WFDC11: variants seen among roughly 807,000 people sequenced by gnomAD.
WFDC11 encodes the protein protein WFDC11.
Under a neutral mutation model 9.9 loss-of-function variants are expected in WFDC11, and 9 were observed. That is an observed-to-expected ratio of 0.91 (90% confidence interval 0.55 to 1.58). The LOEUF (loss-of-function observed/expected upper bound fraction) is 1.58. Among genes scored for constraint, WFDC11 ranks in the 40% most tolerant of loss-of-function variants. The pLI is 0.00. For missense variants in WFDC11, 106 were observed against 101.7 expected (o/e 1.04, Z -0.18); for synonymous variants, 32 against 33.3 (o/e 0.96, Z 0.13).
chr20:45,664,206 G>A (rs1386837199), intron 2 of WFDC11, among the ~76,000 whole-genome samples: 1 of 151,948 alleles, frequency 6.6e-6, no homozygotes. Context: ...ATCTTTGTTG[G>A]TTTAAAGTCT....
intron 2 of WFDC11, among the ~76,000 whole-genome samples, chr20:45,662,346 C>A (rs6032414): frequency 0.047 from 7,185 of 152,242 alleles, 345 homozygotes; most frequent in East Asian, 0.22. Flanking sequence ...TCTAGATATG[C>A]AATCATGTCA....
intron 3 of WFDC11, among the ~76,000 whole-genome samples, chr20:45,649,991 C>A (rs1268950410): frequency 1.3e-5 from 2 of 152,114 alleles, no homozygotes; most frequent in Non-Finnish European, 2.9e-5. Context: ...GAAGGGATCT[C>A]AAGCCTCTTT....
At chr20:45,668,779 T>C (rs1428212702) in intron 1 of WFDC11, among the ~76,000 whole-genome samples, 1 of 152,180 alleles carries the variant, frequency 6.6e-6, no homozygotes, top group Non-Finnish European at 1.5e-5. Flanking sequence ...TTTCATAGAT[T>C]GGTAGATTAC....
At chr20:45,654,988 A>G (rs1982892675) in intron 2 of WFDC11, among the ~76,000 whole-genome samples, 1 of 152,206 alleles carries the variant, frequency 6.6e-6, no homozygotes, top group South Asian at 2.1e-4. Flanking sequence ...TTCACAGCCA[A>G]ATTCTACCAG....
intron 4 of WFDC11, 78 bp from the exon 5 acceptor site, chr20:45,648,817 A>G (rs1600934323): frequency 6.3e-6 from 9 of 1,426,122 alleles, no homozygotes; most frequent in African/African-American, 1.4e-5. Flanking sequence ...GCTTAATAGT[A>G]TCCATGTTCA....
At chr20:45,668,813 T>TGA (rs1461974375) in intron 1 of WFDC11, among the ~76,000 whole-genome samples, 1 of 152,170 alleles carries the variant, frequency 6.6e-6, no homozygotes, top group African/African-American at 2.4e-5. Flanking sequence ...CACCAGTTGT[T>TGA]GACAAGCTTG....
At chr20:45,650,349 G>C (rs1982778738) in intron 3 of WFDC11, 152 bp downstream of exon 3, 2 of 620,780 alleles carry the variant, frequency 3.2e-6, no homozygotes, top group Non-Finnish European at 5.7e-6. Context: ...GGGATTTCTT[G>C]AATCTCTGTG....
At chr20:45,651,431 G>A (rs1393381514) in intron 2 of WFDC11, among the ~76,000 whole-genome samples, 1 of 152,072 alleles carries the variant, frequency 6.6e-6, no homozygotes, top group African/African-American at 2.4e-5. Context: ...ATTCCATTCT[G>A]TGAATATGTC....
chr20:45,649,282 C>G lies in WFDC11; in HGVS notation c.218G>C (p.Cys73Ser), dbSNP rs769530217. ...GACGTTTATCCAGCAGATGTTTCCA[C>G]AATAGGTCCAGCAGCATGTGTAATT... ...DKNYTCCWTYCGNICWINVET... is the reference protein window; with the variant it reads ...DKNYTCCWTYSGNICWINVET... The change falls in exon 4 of 5, where the codon TGT becomes TCT. Residue 73 changes from cysteine (C) to serine (S), a missense_variant. Transcript: ENST00000324384. 1.4e-5 allele frequency: 22 copies of G among 1,613,954 alleles called. No homozygotes were observed. The highest frequency in any genetic ancestry group is 3.3e-4 in the Middle Eastern group (2 of 6,084).
intron 2 of WFDC11, among the ~76,000 whole-genome samples, chr20:45,651,386 TTTTG>T (rs757777483): frequency 1.4e-4 from 22 of 152,148 alleles, no homozygotes; most frequent in African/African-American, 3.1e-4. Context: ...GTTTTTTTTG[TTTTG>T]TTTGTTTGTT....
At position 45,649,408 on chromosome 20, in the gene WFDC11, G is replaced by C. The variant is rs1472641711; in HGVS notation, c.101-9C>G. ...AAGTAACAATTCCTTCCCTGAAATT[G>C]AGATGAGATGGTCAAAGGTTGATGG... On this transcript the variant is annotated splice_polypyrimidine_tract_variant and intron_variant, in intron 3 of 4. Coordinates refer to ENST00000324384, the MANE Select transcript of WFDC11 (RefSeq NM_147197.2). 2.5e-6 allele frequency: 4 copies of C among 1,613,122 alleles called. No individual in the cohort carries two copies. Among genetic ancestry groups the C allele is most frequent in the Non-Finnish European group, 3.4e-6 (4 of 1,179,910 alleles).
intron 2 of WFDC11, among the ~76,000 whole-genome samples, chr20:45,662,279 A>G (rs1450352708): frequency 1.3e-5 from 2 of 152,174 alleles, no homozygotes; most frequent in African/African-American, 4.8e-5. Flanking sequence ...GTATCCTGAA[A>G]CTTTGCTGAA....
chr20:45,662,418 C>T (rs1323842951), intron 2 of WFDC11, among the ~76,000 whole-genome samples: 3 of 152,128 alleles, frequency 2.0e-5, no homozygotes, highest in African/African-American at 4.8e-5. Context: ...ATTTCCTTGT[C>T]CTGCCTAATT....
chr20:45,661,485 C>T (rs1983064628), intron 2 of WFDC11, among the ~76,000 whole-genome samples: 1 of 152,128 alleles, frequency 6.6e-6, no homozygotes, highest in Admixed American at 6.6e-5. Flanking sequence ...GACATGAAGT[C>T]CTTGCCCACG....
chr20:45,648,940 G>T (rs911175550), intron 4 of WFDC11, among the ~76,000 whole-genome samples: 1 of 152,166 alleles, frequency 6.6e-6, no homozygotes, highest in African/African-American at 2.4e-5. Context: ...GAGCCAAATG[G>T]CCCATGGGAA....
intron 2 of WFDC11, among the ~76,000 whole-genome samples, chr20:45,662,733 T>C (rs1323445981): frequency 2.6e-5 from 4 of 152,152 alleles, no homozygotes; most frequent in African/African-American, 4.8e-5. Flanking sequence ...TATTGATTTG[T>C]GAATGTTGAA....
At chr20:45,658,508 G>A (rs760137552) in intron 2 of WFDC11, among the ~76,000 whole-genome samples, 11 of 151,948 alleles carry the variant, frequency 7.2e-5, no homozygotes, top group East Asian at 3.9e-4. Context: ...TCATAGTAGC[G>A]TTACATGATC....
At chr20:45,664,997 T>A (rs1450935382) in intron 2 of WFDC11, among the ~76,000 whole-genome samples, 1 of 152,248 alleles carries the variant, frequency 6.6e-6, no homozygotes, top group South Asian at 2.1e-4. Context: ...CTGGATAACA[T>A]CCTAAAGAGT....
chr20:45,654,044 T>C lies in WFDC11; in HGVS notation c.-51-3393A>G, dbSNP rs146486551. On this transcript the variant is annotated intron_variant, in intron 2 of 4. Transcript: ENST00000324384. The stretch of plus-strand genomic sequence containing the variant: ...CAACAAGACAGAAAGTTAACAAGGA[T>C]TTCCAGGAATTGAACTCAGCTCTGC... Among the ~76,000 whole-genome samples the C allele has an allele frequency of 5.2e-3, 789 of 152,186 alleles. 5 individuals are homozygous for C. Among genetic ancestry groups the C allele is most frequent in the Non-Finnish European group, 7.4e-3 (502 of 68,012 alleles).
Sources: gnomAD v4.1 joint callset for allele counts (sites outside exome capture counted in the v4.1 genomes callset) on GRCh38, gnomAD v4.1.1 for gene constraint, MANE v1.5 for transcripts, NCBI Gene and HGNC (gene_info 2026-07-23, HGNC 2026-07-21) for gene names.